NME9: variants seen among roughly 807,000 people sequenced by gnomAD.
NME9 encodes the protein NME/NM23 family member 9.
Under a neutral mutation model 44.4 loss-of-function variants are expected in NME9, and 48 were observed. The observed-to-expected ratio is 1.08, with a 90% confidence interval of 0.86 to 1.37. The LOEUF is 1.37. Among genes scored for constraint, NME9 ranks in the 40% most tolerant of loss-of-function variants. The pLI is 0.00. For missense variants in NME9, 325 were observed against 405.2 expected, an observed-to-expected ratio of 0.80 and a Z score of 1.70; for synonymous variants, 139 against 147.1, an observed-to-expected ratio of 0.94 and a Z score of 0.40.
In NME9 at chr3:138,324,676, C is replaced by G. The variant is rs977742964; in HGVS notation, c.91+197G>C. On this transcript the variant is annotated intron_variant, in intron 2 of 10. Coordinates refer to ENST00000333911, the MANE Select transcript of NME9 (RefSeq NM_001349018.2). ...TGACTCATTTCCTGAACTGAATTTA[C>G]TGATATTCAAGCCAGATACACACAC... 3 of 640,144 alleles carry G rather than the reference C, an allele frequency of 4.7e-6. No homozygotes were observed. The African/African-American group carries it at 5.6e-5, about 12-fold the overall frequency. The allele number at this position is 640,144 out of a possible 1,614,324, so 39.7% of individuals were successfully genotyped here.
intron 6 of NME9, among the ~76,000 whole-genome samples, chr3:138,309,639 C>T (rs563844961): frequency 1.1e-3 from 166 of 152,140 alleles, no homozygotes; most frequent in African/African-American, 3.5e-3. Context: ...AAGCTAAAAT[C>T]GCACCATTGC....
At chr3:138,268,271 T>C (rs567789689) in intron 8 of NME9, among the ~76,000 whole-genome samples, 1 of 151,948 alleles carries the variant, frequency 6.6e-6, no homozygotes, top group South Asian at 2.1e-4. Flanking sequence ...AAAAACAAGA[T>C]GGAGGTTCAG....
At chr3:138,271,180 T>G (rs2048754092) in intron 8 of NME9, among the ~76,000 whole-genome samples, 1 of 152,212 alleles carries the variant, frequency 6.6e-6, no homozygotes, top group African/African-American at 2.4e-5. Context: ...ATCTGTAGTT[T>G]CACAGATATT....
At chr3:138,281,603 T>C (rs924838583) in intron 8 of NME9, among the ~76,000 whole-genome samples, 3 of 152,192 alleles carry the variant, frequency 2.0e-5, no homozygotes, top group African/African-American at 7.2e-5. Flanking sequence ...TTGATTTCTT[T>C]AAGATTTGAT....
chr3:138,274,757 G>T lies in NME9; in HGVS notation c.746-12171C>A, dbSNP rs376582050. Reference sequence around the variant, plus strand: ...AAACATGACCAGCGTCTACAGTTTTGCTCTCTGTGTCATGCACTGTGCACA... The same window carrying T: ...AAACATGACCAGCGTCTACAGTTTTTCTCTCTGTGTCATGCACTGTGCACA... On this transcript the variant is annotated intron_variant, in intron 8 of 8. Coordinates refer to the NME9 transcript ENST00000317876. 5.1e-4 allele frequency among the ~76,000 whole-genome samples: 78 copies of T among 152,214 alleles called. No homozygotes were observed. In the South Asian group the frequency reaches 0.015, roughly 29 times the overall value.
chr3:138,329,156 C>T, intron 1 of NME9, 147 bp downstream of exon 1: 1 of 699,214 alleles, frequency 1.4e-6, no homozygotes, highest in South Asian at 2.0e-5. Flanking sequence ...CCCTTTAAGA[C>T]GGAAGGGTAC....
chr3:138,324,760 G>A, intron 2 of NME9, 113 bp downstream of exon 2: 1 of 752,228 alleles, frequency 1.3e-6, no homozygotes, highest in Non-Finnish European at 2.3e-6. Flanking sequence ...TTTTTATGAG[G>A]CTCAAGGTAA....
At position 138,314,365 on chromosome 3, in the gene NME9, G is replaced by A; in HGVS notation, c.427C>T (p.His143Tyr). Residue 143 changes from histidine (H) to tyrosine (Y), a missense_variant, in exon 6 of 11, where the codon CAT becomes TAT. Coordinates refer to ENST00000333911, the MANE Select transcript of NME9 (RefSeq NM_001349018.2). ...ALSDEDECVS[H>Y]GKNNGEDEDM... ...TCATCTTCACCATTATTCTTTCCAT[G>A]GGAAACACATTCATCTTCATCAGAA... The A allele has an allele frequency of 6.2e-7, 1 of 1,609,358 alleles. No homozygotes were observed.
At chr3:138,315,670 A>G (rs1195371830) in intron 4 of NME9, 27 bp from the exon 5 acceptor site, 9 of 1,471,964 alleles carry the variant, frequency 6.1e-6, no homozygotes, top group Non-Finnish European at 8.3e-6. Flanking sequence ...ACAGCATGAA[A>G]TACTCTTGGC....
At chr3:138,290,623 T>C in intron 8 of NME9, 1 of 1,602,764 alleles carries the variant, frequency 6.2e-7, no homozygotes, top group Non-Finnish European at 8.5e-7. Context: ...GTCACCAGAT[T>C]CAAACCTTTG....
chr3:138,315,146 G>A (rs1016586417), intron 5 of NME9, among the ~76,000 whole-genome samples: 1 of 152,208 alleles, frequency 6.6e-6, no homozygotes, highest in Non-Finnish European at 1.5e-5. Flanking sequence ...AAAACCTTCA[G>A]GAATATGAGC....
intron 8 of NME9, among the ~76,000 whole-genome samples, chr3:138,270,661 CAT>C (rs907816273): frequency 3.3e-4 from 51 of 152,244 alleles, no homozygotes; most frequent in South Asian, 4.1e-4. Flanking sequence ...AATTAATTAA[CAT>C]GTGTATTACC....
At chr3:138,281,200 C>T (rs982707773) in intron 8 of NME9, among the ~76,000 whole-genome samples, 2 of 151,760 alleles carry the variant, frequency 1.3e-5, no homozygotes, top group African/African-American at 4.8e-5. Flanking sequence ...CACTAATATG[C>T]GTACATTAAT....
chr3:138,263,822 G>A, intron 8 of NME9: 1 of 1,613,680 alleles, frequency 6.2e-7, no homozygotes, highest in Non-Finnish European at 8.5e-7. Context: ...CTGCCGTCAG[G>A]TATGAGCTTT....
At chr3:138,304,102 G>A (rs577176064) in intron 9 of NME9, among the ~76,000 whole-genome samples, 5 of 152,296 alleles carry the variant, frequency 3.3e-5, no homozygotes, top group South Asian at 4.1e-4. Flanking sequence ...ATATATACAT[G>A]TATGTATACA....
intron 6 of NME9, among the ~76,000 whole-genome samples, chr3:138,307,605 ATATT>A (rs1363476358): frequency 4.6e-5 from 7 of 152,228 alleles, no homozygotes. Flanking sequence ...CGTGTTATGA[ATATT>A]TAGATTTTAA....
chr3:138,292,232 G>A (rs1416942024), intron 8 of NME9, among the ~76,000 whole-genome samples: 2 of 152,094 alleles, frequency 1.3e-5, no homozygotes, highest in African/African-American at 4.8e-5. Context: ...TAGAGACAGG[G>A]TTTTACCATG....
At chr3:138,318,040 G>A (rs1256727554) in intron 4 of NME9, 108 bp downstream of exon 4, 2 of 756,914 alleles carry the variant, frequency 2.6e-6, no homozygotes, top group Non-Finnish European at 4.7e-6. Context: ...GCCTCTTGGT[G>A]GTTCCCATTA....
intron 8 of NME9, chr3:138,288,913 A>G (rs2050683991): frequency 1.5e-6 from 1 of 646,004 alleles, no homozygotes; most frequent in Non-Finnish European, 2.7e-6. Flanking sequence ...CTGGGATTAC[A>G]GGCATGAGCC....
Sources: gnomAD v4.1 joint callset for allele counts (sites outside exome capture counted in the v4.1 genomes callset) on GRCh38, gnomAD v4.1.1 for gene constraint, MANE v1.5 for transcripts, NCBI Gene and HGNC (gene_info 2026-07-23, HGNC 2026-07-21) for gene names.